Variants in CD300LG observed in about 807,000 individuals in gnomAD.
The protein encoded by CD300LG is CMRF35-like molecule 9.
Under a neutral mutation model 31.5 loss-of-function variants are expected in CD300LG, and 29 were observed. The ratio of observed to expected loss-of-function variants is 0.92; its 90% CI spans 0.68 to 1.25. CD300LG has a LOEUF of 1.25. CD300LG is among the 50% of genes most tolerant of loss of function. The probability of loss-of-function intolerance (pLI) is 0.00; values close to 1 mark genes in which losing one functional copy is unlikely to be tolerated. For synonymous variants in CD300LG, 175 were observed against 177.2 expected, an observed-to-expected ratio of 0.99 and a Z score of 0.10; for missense variants, 396 against 417.6, an observed-to-expected ratio of 0.95 and a Z score of 0.45.
chr17:43,859,138 C>T (rs1016934168), intron 6 of CD300LG, among the ~76,000 whole-genome samples: 1 of 152,168 alleles, frequency 6.6e-6, no homozygotes, highest in Admixed American at 6.5e-5. Flanking sequence ...GCGTCCTCCA[C>T]CCCGCTGCAC....
At chr17:43,860,434 C>T (rs77205894) in intron 6 of CD300LG, among the ~76,000 whole-genome samples, 5,724 of 152,340 alleles carry the variant, frequency 0.038, 302 homozygotes, top group African/African-American at 0.12. Flanking sequence ...CCAGGAAACC[C>T]CAGGGCAGCC....
In CD300LG at chr17:43,852,904, T is replaced by C; in HGVS notation, c.380-8T>C. The C allele has an allele frequency of 6.2e-7, 1 of 1,604,180 alleles. No individual in the cohort carries two copies. The highest frequency in any genetic ancestry group is 8.5e-7 in the Non-Finnish European group (1 of 1,174,522). On this transcript the variant is annotated splice_region_variant and splice_polypyrimidine_tract_variant and intron_variant, in intron 2 of 6. Transcript: ENST00000317310. ...CACCCCTGAGAGCAGCCTTTCCCTT[T>C]CCTCTAGGACCCTGCTGTCCTCCCT... is the stretch of plus-strand genomic sequence containing the variant.
chr17:43,847,384 C>A, intron 1 of CD300LG, 125 bp downstream of exon 1: 1 of 317,072 alleles, frequency 3.2e-6, no homozygotes, highest in Non-Finnish European at 6.1e-6. Flanking sequence ...CCTAGGGGAG[C>A]GGGGCGGGCT....
intron 4 of CD300LG, among the ~76,000 whole-genome samples, chr17:43,854,928 AG>A (rs2046469042): frequency 1.3e-5 from 2 of 152,086 alleles, no homozygotes; most frequent in African/African-American, 4.8e-5. Context: ...ACACCCTGGG[AG>A]GTTTAGTCAC....
intron 6 of CD300LG, chr17:43,857,738 C>G (rs1053646863): frequency 1.3e-6 from 2 of 1,523,638 alleles, no homozygotes; most frequent in African/African-American, 2.7e-5. Flanking sequence ...AGGTGGTGGC[C>G]CAAACAGAGA....
intron 6 of CD300LG, chr17:43,857,911 G>A: frequency 2.5e-5 from 38 of 1,536,106 alleles, no homozygotes; most frequent in Non-Finnish European, 3.3e-5. Flanking sequence ...GGGTCCCTGT[G>A]CCCATTGTCT....
rs901107445 is a variant in CD300LG at position 43,848,491 on chromosome 17, A to T, written c.44-67A>T. Reference sequence around the variant, plus strand: ...CCTTCCTTCTTCCTCCTAAAATGGAAGCTCTGGCCTTGACCTTGGTACATG... The same window carrying T: ...CCTTCCTTCTTCCTCCTAAAATGGATGCTCTGGCCTTGACCTTGGTACATG... On this transcript the variant is annotated intron_variant, in intron 1 of 6. Coordinates refer to ENST00000317310, the MANE Select transcript of CD300LG (RefSeq NM_145273.4). 4 of 1,269,376 alleles carry T rather than the reference A, an allele frequency of 3.2e-6. No individual in the cohort carries two copies. The African/African-American group carries it at 5.9e-5, about 19-fold the overall frequency. The allele number at this position is 1,269,376 out of a possible 1,614,324, so 78.6% of individuals were successfully genotyped here.
chr17:43,857,957 G>A (rs2046572663), intron 6 of CD300LG: 1 of 1,526,916 alleles, frequency 6.5e-7, no homozygotes, highest in Non-Finnish European at 8.8e-7. Context: ...ACTGCTGCAA[G>A]AAGAGACTGT....
chr17:43,857,626 G>A (rs1003857727), intron 6 of CD300LG: 14 of 1,118,902 alleles, frequency 1.3e-5, no homozygotes, highest in Middle Eastern at 1.9e-4. Flanking sequence ...CTCCAGGGGT[G>A]GGGTCCAGGG....
rs748579528 is a variant in CD300LG, at chr17:43,853,961, G to A, written c.636G>A (p.Gly212=). ...SPHPATSPPA[G]SSRPPMQLDS... Reference sequence around the variant, plus strand: ...ACCCAGCGACCTCTCCTCCTGCAGGGAGCTCCCGCCCCCCCATGCAGCTGG... The same window carrying A: ...ACCCAGCGACCTCTCCTCCTGCAGGAAGCTCCCGCCCCCCCATGCAGCTGG... Residue 212 remains glycine (G), a synonymous_variant, in exon 4 of 7, where the codon GGG becomes GGA. Transcript: ENST00000317310. The A allele has an allele frequency of 5.6e-6, 9 of 1,614,112 alleles. No homozygotes were observed. Among genetic ancestry groups the A allele is most frequent in the Non-Finnish European group, 7.6e-6 (9 of 1,180,002 alleles).
chr17:43,851,133 C>CA (rs777282117), intron 2 of CD300LG, among the ~76,000 whole-genome samples: 1,244 of 39,514 alleles, frequency 0.031, 23 homozygotes, highest in Non-Finnish European at 0.036. Context: ...GACTCAGTCT[C>CA]AAAAAAAAAA....
At chr17:43,850,859 C>T (rs1362268918) in intron 2 of CD300LG, among the ~76,000 whole-genome samples, 1 of 151,956 alleles carries the variant, frequency 6.6e-6, no homozygotes, top group East Asian at 1.9e-4. Flanking sequence ...GTATAAGTCC[C>T]GGCATGGTGG....
rs752552716 is a variant in CD300LG, at chr17:43,861,863, C to T, written c.951C>T (p.Leu317=). 2 of 1,612,784 alleles carry T rather than the reference C, an allele frequency of 1.2e-6. No homozygotes were observed. The highest frequency in any genetic ancestry group is 1.3e-5 in the African/African-American group (1 of 74,900). The change falls in exon 7 of 7, where the codon CTC becomes CTT. Residue 317 remains leucine (L), a synonymous_variant. Coordinates refer to ENST00000317310, the MANE Select transcript of CD300LG (RefSeq NM_145273.4). ...GGGACGTGATCTCGATGCCTCCCCT[C>T]CACACATCTGAGGAGGAGCTGGGCT... ...PEGDVISMPP[L]HTSEEELGFS... is the part of the protein sequence containing the mutation.
chr17:43,858,340 T>C (rs1409060315), intron 6 of CD300LG: 2 of 997,364 alleles, frequency 2.0e-6, no homozygotes, highest in Admixed American at 5.4e-5. Flanking sequence ...AAGCCCGGCC[T>C]CCTGGCTCTG....
At position 43,863,530 on chromosome 17, in the gene CD300LG, T is replaced by A. The variant is rs539500332; in HGVS notation, c.*1619T>A. 1.3e-5 allele frequency: 2 copies of A among 152,344 alleles called. No individual in the cohort carries two copies. The highest frequency in any genetic ancestry group is 4.1e-4 in the South Asian group (2 of 4,828). The allele number at this position is 152,344 out of a possible 1,614,324, so 9.4% of individuals were successfully genotyped here. On this transcript the variant is annotated 3_prime_UTR_variant, in exon 7 of 7. Coordinates refer to ENST00000317310, the MANE Select transcript of CD300LG (RefSeq NM_145273.4). ...AGCAATTATCTTGTATATACAACTT[T>A]GTATCCTGCCTTTTCCACCTTATCG... is the stretch of plus-strand genomic sequence containing the variant.
In CD300LG at chr17:43,855,217, C is replaced by A. The variant is rs146125903; in HGVS notation, c.730C>A (p.Pro244Thr). ...GCGTCTCGTCTCCAGGGTGTCCATC[C>A]CGATGGTCCGCATACTGGCCCCAGT... ...SGSSKPRVSIPMVRILAPVLV... is the reference protein window; with the variant it reads ...SGSSKPRVSITMVRILAPVLV... The change falls in exon 5 of 7, where the codon CCG (proline) becomes ACG (threonine). Residue 244 changes from proline (P) to threonine (T), a missense_variant. Physicochemically the swap from Pro to Thr is conservative, Grantham distance 38 (BLOSUM62 -1). Coordinates refer to ENST00000317310, the MANE Select transcript of CD300LG (RefSeq NM_145273.4). 1.0e-5 allele frequency: 16 copies of A among 1,605,706 alleles called. No individual in the cohort carries two copies. The African/African-American group carries it at 2.1e-4, about 22-fold the overall frequency.
intron 3 of CD300LG, 74 bp from the exon 4 acceptor site, chr17:43,853,733 C>G: frequency 7.9e-7 from 1 of 1,261,240 alleles, no homozygotes; most frequent in Non-Finnish European, 1.1e-6. Flanking sequence ...GTTCAGGGGT[C>G]CAGGGTCAGA....
At chr17:43,858,164 C>T (rs989403384) in intron 6 of CD300LG, 3 of 1,253,230 alleles carry the variant, frequency 2.4e-6, no homozygotes, top group Admixed American at 3.4e-5. Flanking sequence ...CAGGCCTGGT[C>T]ACCCCAAGGA....
At chr17:43,849,836 C>T (rs1229462011) in intron 2 of CD300LG, 1 of 152,168 alleles carries the variant, frequency 6.6e-6, no homozygotes. Flanking sequence ...ACCACCATAG[C>T]CCCTATTTTT....
Sources: allele counts gnomAD v4.1 joint callset (sites outside exome capture counted in the v4.1 genomes callset), GRCh38; gene constraint gnomAD v4.1.1; transcripts MANE v1.5; gene names NCBI Gene and HGNC (gene_info 2026-07-23, HGNC 2026-07-21).